Variants in ZRANB3 observed in about 807,000 individuals in gnomAD.
The protein encoded by ZRANB3 is DNA annealing helicase and endonuclease ZRANB3.
ZRANB3 carries 125 observed loss-of-function variants against 133.8 expected under a neutral mutation model. The observed-to-expected ratio is 0.93, with a 90% CI of 0.81 to 1.08. The LOEUF (loss-of-function observed/expected upper bound fraction) is 1.08. Among genes scored for constraint, ZRANB3 ranks in the 50% least tolerant of loss-of-function variants. ZRANB3 has a pLI of 0.00. For synonymous variants in ZRANB3, 387 were observed against 432.7 expected, an observed-to-expected ratio of 0.89 and a Z score of 1.31; for missense variants, 1,229 against 1,275.5, an observed-to-expected ratio of 0.96 and a Z score of 0.56.
chr2:135,331,542 G>T (rs1233928765), intron 6 of ZRANB3, among the ~76,000 whole-genome samples: 1 of 152,146 alleles, frequency 6.6e-6, no homozygotes, highest in Non-Finnish European at 1.5e-5. Flanking sequence ...TGTTGATTTG[G>T]GGTGGAGAGT....
chr2:135,525,052 A>G (rs1176147584), intron 1 of ZRANB3, among the ~76,000 whole-genome samples: 1 of 152,168 alleles, frequency 6.6e-6, no homozygotes, highest in Non-Finnish European at 1.5e-5. Context: ...AAAATAATTT[A>G]AACTTCTAGC....
chr2:135,482,950 C>T, intron 2 of ZRANB3, among the ~76,000 whole-genome samples: 1 of 151,924 alleles, frequency 6.6e-6, no homozygotes. Flanking sequence ...ACCAGCCTTG[C>T]ATCCCAGGGA....
intron 8 of ZRANB3, among the ~76,000 whole-genome samples, chr2:135,286,734 T>C (rs534118011): frequency 7.9e-5 from 12 of 152,212 alleles, no homozygotes; most frequent in Non-Finnish European, 1.6e-4. Context: ...TGTCTATTCA[T>C]GTCCTTAGCC....
intron 8 of ZRANB3, among the ~76,000 whole-genome samples, chr2:135,285,186 T>C (rs1247388685): frequency 3.9e-5 from 6 of 152,214 alleles, no homozygotes; most frequent in African/African-American, 1.4e-4. Context: ...CTCCTCTATT[T>C]GTGATTCCAA....
intron 2 of ZRANB3, among the ~76,000 whole-genome samples, chr2:135,449,908 C>T (rs567314750): frequency 2.6e-5 from 4 of 152,240 alleles, no homozygotes; most frequent in African/African-American, 7.2e-5. Flanking sequence ...TAGGCAAAGA[C>T]AACCATATAT....
chr2:135,319,248 T>A (rs1187939915), intron 6 of ZRANB3, among the ~76,000 whole-genome samples: 4 of 152,216 alleles, frequency 2.6e-5, no homozygotes, highest in Non-Finnish European at 5.9e-5. Context: ...ACAAAAAATT[T>A]ATAAATGCTT....
intron 8 of ZRANB3, among the ~76,000 whole-genome samples, chr2:135,309,907 G>T (rs1464383432): frequency 6.6e-6 from 1 of 152,138 alleles, no homozygotes; most frequent in Non-Finnish European, 1.5e-5. Context: ...GAATACAGTA[G>T]GGTAAACACT....
At chr2:135,490,509 G>GT (rs1052104747) in intron 2 of ZRANB3, among the ~76,000 whole-genome samples, 5 of 152,164 alleles carry the variant, frequency 3.3e-5, no homozygotes, top group Admixed American at 1.3e-4. Flanking sequence ...AATAAGGGAT[G>GT]TTAGTAGAGA....
chr2:135,383,224 C>G (rs2104915290), intron 3 of ZRANB3, among the ~76,000 whole-genome samples: 1 of 151,998 alleles, frequency 6.6e-6, no homozygotes, highest in East Asian at 1.9e-4. Flanking sequence ...GACTTTAAAC[C>G]AACAAAGATC....
intron 5 of ZRANB3, among the ~76,000 whole-genome samples, chr2:135,346,941 C>T (rs929043239): frequency 3.9e-5 from 6 of 152,202 alleles, no homozygotes; most frequent in African/African-American, 1.2e-4. Flanking sequence ...TAGTCACTGC[C>T]TATTTCTCCT....
At chr2:135,271,976 A>C in intron 9 of ZRANB3, 89 bp from the exon 10 acceptor site, 1 of 1,331,162 alleles carries the variant, frequency 7.5e-7, no homozygotes, top group Non-Finnish European at 9.7e-7. Flanking sequence ...TTTTATGGTC[A>C]CATAACAAAA....
chr2:135,377,339 C>T (rs1281371623), intron 3 of ZRANB3, among the ~76,000 whole-genome samples: 1 of 152,058 alleles, frequency 6.6e-6, no homozygotes, highest in African/African-American at 2.4e-5. Flanking sequence ...GCTGATAGAA[C>T]CTAGAAGGAC....
chr2:135,381,548 T>C (rs1686700371), intron 3 of ZRANB3, among the ~76,000 whole-genome samples: 1 of 152,138 alleles, frequency 6.6e-6, no homozygotes, highest in South Asian at 2.1e-4. Context: ...AGACTGCCTC[T>C]CACGTGGGTC....
chr2:135,496,397 A>C (rs1178746718), intron 2 of ZRANB3, among the ~76,000 whole-genome samples: 1 of 137,834 alleles, frequency 7.3e-6, no homozygotes, highest in East Asian at 1.9e-4. Context: ...AAAAAAAAAA[A>C]AAAAAAAAAA....
chr2:135,247,815 T>C (rs1695869010), intron 12 of ZRANB3, among the ~76,000 whole-genome samples: 1 of 152,198 alleles, frequency 6.6e-6, no homozygotes, highest in Non-Finnish European at 1.5e-5. Flanking sequence ...GCACCTTAGC[T>C]GTTCCAGTCT....
intron 12 of ZRANB3, among the ~76,000 whole-genome samples, chr2:135,242,913 G>T (rs1458858476): frequency 6.6e-6 from 1 of 152,048 alleles, no homozygotes; most frequent in Non-Finnish European, 1.5e-5. Flanking sequence ...TGTGTCTACT[G>T]ATGGTAGTTT....
chr2:135,500,345 T>C (rs1692880281), intron 2 of ZRANB3, among the ~76,000 whole-genome samples: 1 of 152,178 alleles, frequency 6.6e-6, no homozygotes. Context: ...ATATCATTAC[T>C]ATTCTATGAG....
intron 6 of ZRANB3, among the ~76,000 whole-genome samples, chr2:135,335,692 C>CAAACAAAACAAAACA (rs554931885): frequency 1.4e-4 from 22 of 151,816 alleles, no homozygotes; most frequent in African/African-American, 5.1e-4. Context: ...GACTCTGTCT[C>CAAACAAAACAAAACA]AAACAAAACA....
chr2:135,413,137 T>C (rs191808128), intron 2 of ZRANB3, among the ~76,000 whole-genome samples: 125 of 152,276 alleles, frequency 8.2e-4, no homozygotes, highest in South Asian at 1.0e-3. Flanking sequence ...TCCTCTTTCT[T>C]CCCTATTAAG....
Sources: allele counts gnomAD v4.1 joint callset (sites outside exome capture counted in the v4.1 genomes callset), GRCh38; gene constraint gnomAD v4.1.1; transcripts MANE v1.5; gene names NCBI Gene and HGNC (gene_info 2026-07-23, HGNC 2026-07-21).